The following UBR3 variants were observed in gnomAD, a reference collection of about 807,000 sequenced individuals.
UBR3 encodes E3 ubiquitin-protein ligase UBR3.
Under a neutral mutation model 243.2 loss-of-function variants are expected in UBR3, and 85 were observed. The ratio of observed to expected loss-of-function variants is 0.35; its 90% CI spans 0.29 to 0.42. UBR3 has a LOEUF of 0.42. UBR3 is among the 10% of genes least tolerant of loss of function. The pLI is 1.00. For synonymous variants in UBR3, 748 were observed against 799.8 expected (o/e 0.94, Z 1.09); for missense variants, 1,686 against 2,300.8 (o/e 0.73, Z 5.47).
Position 169,905,204 on chromosome 2 carries a change from A to G in UBR3, c.1556A>G (p.Asn519Ser). The change falls in exon 9 of 39, where the codon AAT (asparagine) becomes AGT (serine). Residue 519 changes from asparagine (N) to serine (S), a missense_variant. By Grantham distance (46) the Asn-to-Ser change is conservative. This residue lies in a region of UBR3 where 346 missense variants were observed against 585.8 expected (regional missense o/e 0.59). Transcript: ENST00000272793. ...TGGCCTCTTGTTAGTGATTTTATTA[A>G]TATTCTTTCTCATCAAAGTGTGGCC... is the stretch of plus-strand genomic sequence containing the variant. ...TYWPLVSDFINILSHQSVAKR... is the reference protein window; with the variant it reads ...TYWPLVSDFISILSHQSVAKR... 1 of 1,542,482 alleles carries G rather than the reference A, an allele frequency of 6.5e-7. No individual in the cohort carries two copies. Among genetic ancestry groups the G allele is most frequent in the South Asian group, 1.2e-5 (1 of 81,858 alleles).
At chr2:169,894,836 G>A (rs746337646) in intron 6 of UBR3, among the ~76,000 whole-genome samples, 57 of 152,284 alleles carry the variant, frequency 3.7e-4, no homozygotes, top group Non-Finnish European at 6.0e-4. Flanking sequence ...CCCTGCTTAA[G>A]CAGTGTCACT....
chr2:169,956,811 C>T (rs2087321579), intron 23 of UBR3, among the ~76,000 whole-genome samples: 1 of 152,074 alleles, frequency 6.6e-6, no homozygotes, highest in Admixed American at 6.5e-5. Context: ...ATGTTATATC[C>T]TTGAATCATA....
chr2:169,828,104 G>C (rs909802008), intron 1 of UBR3, 52 bp downstream of exon 1: 2 of 1,348,620 alleles, frequency 1.5e-6, no homozygotes, highest in Admixed American at 7.5e-5. Context: ...GGGACGTCGC[G>C]GGAGGGCCTG....
intron 6 of UBR3, among the ~76,000 whole-genome samples, chr2:169,894,796 G>GT (rs372212588): frequency 3.3e-4 from 51 of 152,326 alleles, no homozygotes; most frequent in African/African-American, 1.0e-3. Flanking sequence ...GTGAGATACT[G>GT]TTTTTTCCAG....
chr2:170,029,580 A>G (rs1013247604), intron 31 of UBR3, 132 bp downstream of exon 31: 5 of 669,794 alleles, frequency 7.5e-6, no homozygotes, highest in Non-Finnish European at 1.2e-5. Context: ...GAAATATATC[A>G]TAAGAATTGA....
intron 19 of UBR3, among the ~76,000 whole-genome samples, chr2:169,937,862 C>G (rs1374968309): frequency 6.6e-6 from 1 of 152,086 alleles, no homozygotes; most frequent in East Asian, 1.9e-4. Context: ...TTCTTTTTGG[C>G]CTGGTCAGAT....
At chr2:169,879,214 T>G (rs1574105280) in intron 5 of UBR3, among the ~76,000 whole-genome samples, 1 of 151,964 alleles carries the variant, frequency 6.6e-6, no homozygotes, top group Admixed American at 6.5e-5. Context: ...AATTTTATAT[T>G]TCTAATACAT....
At chr2:169,944,801 A>G (rs1378604149) in intron 20 of UBR3, among the ~76,000 whole-genome samples, 4 of 152,076 alleles carry the variant, frequency 2.6e-5, no homozygotes, top group Non-Finnish European at 4.4e-5. Context: ...TTTAGCTGGT[A>G]ATGTTTTATT....
At chr2:170,064,415 A>C (rs1418331989) in intron 35 of UBR3, among the ~76,000 whole-genome samples, 1 of 152,190 alleles carries the variant, frequency 6.6e-6, no homozygotes, top group Non-Finnish European at 1.5e-5. Flanking sequence ...AAAAATTAAA[A>C]ATTAAAAAAA....
rs201545045 is a variant in UBR3, at chr2:170,007,913, G to A, written c.4230+723G>A. Among the ~76,000 whole-genome samples the A allele has an allele frequency of 1.2e-4, 17 of 146,896 alleles. No homozygotes were observed. In the East Asian group the frequency reaches 2.9e-3, roughly 25 times the overall value. On this transcript the variant is annotated intron_variant, in intron 28 of 38. Coordinates refer to ENST00000272793, the MANE Select transcript of UBR3 (RefSeq NM_172070.4). ...TTAAAAAACAAGCTATATATACTCT[G>A]TGTGTGTGTGTGTGTGTATGTATCT...
intron 35 of UBR3, among the ~76,000 whole-genome samples, chr2:170,067,242 A>G (rs1347231635): frequency 2.0e-5 from 3 of 152,144 alleles, no homozygotes; most frequent in African/African-American, 4.8e-5. Context: ...TTTTTCTACC[A>G]TTGGCAGTTC....
rs553839274 is a variant in UBR3 at position 170,083,802 on chromosome 2, A to T, written c.*1959A>T. The T allele has an allele frequency of 1.1e-4, 17 of 152,716 alleles. No individual in the cohort carries two copies. Among genetic ancestry groups the T allele is most frequent in the Admixed American group, 7.2e-4 (11 of 15,294 alleles). The allele number at this position is 152,716 out of a possible 1,614,324, so 9.5% of individuals were successfully genotyped here. A position where few individuals can be genotyped will look rare whatever the true frequency, so the allele number is the denominator to read the frequency against. On this transcript the variant is annotated 3_prime_UTR_variant, in exon 39 of 39. Transcript: ENST00000272793. ...GGTGAATTAGTCACCAGTAAATTTT[A>T]AAAAAGCACTTGGTTGAAAATTGTA...
chr2:169,841,463 A>G (rs370458241), intron 1 of UBR3, among the ~76,000 whole-genome samples: 1 of 152,254 alleles, frequency 6.6e-6, no homozygotes, highest in East Asian at 1.9e-4. Flanking sequence ...CCCCCACTGC[A>G]CTGTGGGAGC....
At chr2:169,893,938 C>T (rs1384661552) in intron 6 of UBR3, among the ~76,000 whole-genome samples, 2 of 151,974 alleles carry the variant, frequency 1.3e-5, no homozygotes, top group Non-Finnish European at 2.9e-5. Context: ...TACTTTTTAT[C>T]TTTGAATCTG....
At chr2:169,865,085 C>T (rs1242282040) in intron 1 of UBR3, among the ~76,000 whole-genome samples, 4 of 151,318 alleles carry the variant, frequency 2.6e-5, no homozygotes, top group African/African-American at 7.3e-5. Context: ...GACTCCGTCT[C>T]GAAAAAAAAA....
intron 10 of UBR3, among the ~76,000 whole-genome samples, chr2:169,913,560 C>G (rs1039235438): frequency 1.3e-5 from 2 of 152,106 alleles, no homozygotes; most frequent in African/African-American, 4.8e-5. Flanking sequence ...TACTTACAGT[C>G]CACATATGCT....
At chr2:170,002,649 C>T (rs2089755244) in intron 27 of UBR3, among the ~76,000 whole-genome samples, 1 of 152,110 alleles carries the variant, frequency 6.6e-6, no homozygotes, top group Non-Finnish European at 1.5e-5. Context: ...GACCTTTCTC[C>T]CCAACACCTC....
chr2:170,002,213 A>AGT (rs1458548227), intron 27 of UBR3, among the ~76,000 whole-genome samples: 2 of 152,164 alleles, frequency 1.3e-5, no homozygotes, highest in African/African-American at 4.8e-5. Context: ...AATCTCATTT[A>AGT]ATCAGCCTCC....
chr2:169,994,313 G>C lies in UBR3; in HGVS notation c.3785-10G>C. ...ATTTTTGATTAATGAGCTTTTATCT[G>C]TTAATGTAGTTTTGGGGCAGTGCCG... is the stretch of plus-strand genomic sequence containing the variant. On this transcript the variant is annotated splice_polypyrimidine_tract_variant and intron_variant, in intron 25 of 38. Transcript: ENST00000272793. 2 of 1,613,860 alleles carry C rather than the reference G, an allele frequency of 1.2e-6. No homozygotes were observed. Among genetic ancestry groups the C allele is most frequent in the Non-Finnish European group, 1.7e-6 (2 of 1,179,870 alleles).
Sources: allele counts gnomAD v4.1 joint callset (sites outside exome capture counted in the v4.1 genomes callset), GRCh38; gene constraint gnomAD v4.1.1; regional missense constraint gnomAD v4.1.1; transcripts MANE v1.5; gene names NCBI Gene and HGNC (gene_info 2026-07-23, HGNC 2026-07-21).